KIF5C: variants seen among roughly 807,000 people sequenced by gnomAD.
The protein encoded by KIF5C is kinesin family member 5C, also known as kinesin heavy chain isoform 5C.
In KIF5C, 18 loss-of-function variants were observed where a neutral mutation model predicts 125.2. The ratio of observed to expected loss-of-function variants is 0.14; its 90% CI spans 0.10 to 0.21. The LOEUF is 0.21. Ranked by LOEUF, KIF5C falls within the 10% of genes least tolerant of loss-of-function variation. KIF5C has a pLI of 1.00. For missense variants in KIF5C, 780 were observed against 1,183.8 expected (o/e 0.66, Z 5.01); for synonymous variants, 405 against 434.0 (o/e 0.93, Z 0.83).
chr2:149,010,452 A>T, intron 24 of KIF5C, 101 bp downstream of exon 24: 1 of 1,450,068 alleles, frequency 6.9e-7, no homozygotes, highest in South Asian at 1.5e-5. Flanking sequence ...ACTCTGGAAC[A>T]TCTGAAAGGC....
intron 6 of KIF5C, 111 bp downstream of exon 6, chr2:148,942,101 A>T: frequency 8.3e-7 from 1 of 1,205,594 alleles, no homozygotes. Flanking sequence ...ATAGGCATTT[A>T]TTCAGGCTCC....
intron 1 of KIF5C, among the ~76,000 whole-genome samples, chr2:148,920,957 A>C (rs1215828643): frequency 6.6e-6 from 1 of 152,126 alleles, no homozygotes; most frequent in Non-Finnish European, 1.5e-5. Context: ...GGGGAACATG[A>C]AGATGAAGGG....
At chr2:148,954,942 A>G (rs1469199410) in intron 10 of KIF5C, among the ~76,000 whole-genome samples, 3 of 152,162 alleles carry the variant, frequency 2.0e-5, no homozygotes, top group Admixed American at 2.0e-4. Flanking sequence ...TTGCTGAAAC[A>G]CCAGTAGGGT....
intron 1 of KIF5C, among the ~76,000 whole-genome samples, chr2:148,912,775 A>G (rs975341690): frequency 1.3e-5 from 2 of 152,166 alleles, no homozygotes; most frequent in Non-Finnish European, 2.9e-5. Flanking sequence ...TGCTTCAAGT[A>G]CTTCATCTGC....
Position 148,958,747 on chromosome 2 carries a change from T to C in KIF5C, c.969-3224T>C, listed in dbSNP as rs1420205155. Among the ~76,000 whole-genome samples the C allele has an allele frequency of 5.3e-5, 8 of 152,056 alleles. No individual in the cohort carries two copies. The East Asian group carries it at 1.5e-3, about 29-fold the overall frequency. ...CTGCAATCCCAGCACTTTGGGAGGT[T>C]GAGGTAGGCGGATCACCAGAGGTCA... On this transcript the variant is annotated intron_variant, in intron 10 of 25. Coordinates refer to ENST00000435030, the MANE Select transcript of KIF5C (RefSeq NM_004522.3).
In KIF5C at chr2:148,876,291, C is replaced by T. The variant is rs1156669519; in HGVS notation, c.126+548C>T. 6.6e-6 allele frequency among the ~76,000 whole-genome samples: 1 copy of T among 152,118 alleles called. No homozygotes were observed. The highest frequency in any genetic ancestry group is 1.9e-4 in the East Asian group (1 of 5,164). On this transcript the variant is annotated intron_variant, in intron 1 of 25. Transcript: ENST00000435030. This position sits in a 1 kb window ranked among gnomAD's most constrained non-coding sequence, Gnocchi z 4.7. ...AGACGCGGCTCCCCGCGGTGTTACA[C>T]CTGGCTCCGCGCGCGGAAGGCGGAG...
intron 21 of KIF5C, among the ~76,000 whole-genome samples, chr2:149,001,776 C>G (rs1490828580): frequency 6.6e-6 from 1 of 152,198 alleles, no homozygotes; most frequent in Admixed American, 6.5e-5. Flanking sequence ...GATTCAATGA[C>G]AGAGAGAAAC....
intron 21 of KIF5C, among the ~76,000 whole-genome samples, chr2:149,001,574 G>C (rs934990316): frequency 6.6e-6 from 1 of 152,192 alleles, no homozygotes; most frequent in African/African-American, 2.4e-5. Flanking sequence ...GGAAGGGCTT[G>C]TTATTTGAAA....
chr2:148,995,269 A>C (rs1558938403), intron 17 of KIF5C, among the ~76,000 whole-genome samples: 1 of 152,120 alleles, frequency 6.6e-6, no homozygotes, highest in Non-Finnish European at 1.5e-5. Flanking sequence ...TCTAAAATTC[A>C]CATTCTCTCT....
At chr2:148,888,831 C>T (rs1403506398) in intron 1 of KIF5C, 1 of 151,268 alleles carries the variant, frequency 6.6e-6, no homozygotes, top group Non-Finnish European at 1.5e-5. Flanking sequence ...ACAGTTCTGC[C>T]TTTTTTTCCT....
chr2:148,921,026 G>T (rs1681762911), intron 1 of KIF5C, among the ~76,000 whole-genome samples: 1 of 152,180 alleles, frequency 6.6e-6, no homozygotes, highest in African/African-American at 2.4e-5. Context: ...TGCCTGGGCG[G>T]TGGTGGTAGA....
intron 12 of KIF5C, among the ~76,000 whole-genome samples, chr2:148,974,019 G>A (rs770814400): frequency 1.3e-5 from 2 of 152,154 alleles, no homozygotes; most frequent in African/African-American, 2.4e-5. Context: ...CTCTTTTCAC[G>A]GGTATATTCT....
chr2:148,906,109 A>G (rs557264536), intron 1 of KIF5C, among the ~76,000 whole-genome samples: 27 of 152,224 alleles, frequency 1.8e-4, no homozygotes, highest in Non-Finnish European at 2.4e-4. Flanking sequence ...GAGGGAGGGG[A>G]GAGAGAGTGA....
At chr2:148,974,643 A>G (rs1028976453) in intron 12 of KIF5C, among the ~76,000 whole-genome samples, 7 of 152,222 alleles carry the variant, frequency 4.6e-5, no homozygotes, top group African/African-American at 1.4e-4. Flanking sequence ...TATGTATTTT[A>G]TGCAAAACAA....
intron 12 of KIF5C, among the ~76,000 whole-genome samples, chr2:148,974,869 C>G (rs1346763703): frequency 6.6e-6 from 1 of 152,218 alleles, no homozygotes; most frequent in East Asian, 1.9e-4. Flanking sequence ...TAGACGCCTG[C>G]ATGGCGGAAT....
intron 3 of KIF5C, among the ~76,000 whole-genome samples, chr2:148,929,728 A>C (rs1027811975): frequency 6.6e-6 from 1 of 152,188 alleles, no homozygotes; most frequent in African/African-American, 2.4e-5. Flanking sequence ...TCTTAGAATA[A>C]ATAAAAAACT....
rs540073067 is a variant in KIF5C at position 148,946,198 on chromosome 2, A to T, written c.590-701A>T. Among the ~76,000 whole-genome samples, 7 of 152,264 alleles carry T rather than the reference A, an allele frequency of 4.6e-5. No homozygotes were observed. In the East Asian group the frequency reaches 1.3e-3, roughly 29 times the overall value. On this transcript the variant is annotated intron_variant, in intron 7 of 25. Transcript: ENST00000435030. The stretch of plus-strand genomic sequence containing the variant: ...TAATTATTAGTTCTAACAGTTTTTT[A>T]AAAATGAATCTTTAGGGCTTTTTAC...
At chr2:148,923,760 T>C (rs891121697) in intron 2 of KIF5C, among the ~76,000 whole-genome samples, 2 of 152,168 alleles carry the variant, frequency 1.3e-5, no homozygotes, top group African/African-American at 2.4e-5. Flanking sequence ...TAAGCTGACA[T>C]AATTAGAAAT....
At chr2:148,878,438 G>A (rs556172618) in intron 1 of KIF5C, 18 of 152,294 alleles carry the variant, frequency 1.2e-4, no homozygotes, top group Non-Finnish European at 1.9e-4. Context: ...ACTACAATTT[G>A]TCTACTGACT....
Sources: allele counts gnomAD v4.1 joint callset (sites outside exome capture counted in the v4.1 genomes callset), GRCh38; gene constraint gnomAD v4.1.1; non-coding constraint Gnocchi (gnomAD v3.1); transcripts MANE v1.5; gene names NCBI Gene and HGNC (gene_info 2026-07-23, HGNC 2026-07-21).